Variants in HDAC9 observed in about 807,000 individuals in gnomAD.
HDAC9 encodes histone deacetylase 9, also known as MEF-2 interacting transcription repressor (MITR) protein.
A neutral mutation model predicts 139.4 loss-of-function variants in HDAC9; 41 were observed. That is an observed-to-expected ratio of 0.29 (90% CI 0.23 to 0.38). The LOEUF is 0.38. Ranked by LOEUF, HDAC9 falls within the 10% of genes least tolerant of loss-of-function variation. The pLI is 1.00. For missense variants in HDAC9, 1,147 were observed against 1,297.0 expected, an observed-to-expected ratio of 0.88 and a Z score of 1.78; for synonymous variants, 517 against 476.2, an observed-to-expected ratio of 1.09 and a Z score of -1.12.
chr7:18,498,338 A>AC (rs1227152202), intron 2 of HDAC9, among the ~76,000 whole-genome samples: 1 of 151,744 alleles, frequency 6.6e-6, no homozygotes, highest in Non-Finnish European at 1.5e-5. Flanking sequence ...CCTAGATTCC[A>AC]CTCCCAGAAT....
chr7:18,853,360 A>G (rs1345628296), intron 21 of HDAC9, among the ~76,000 whole-genome samples: 3 of 152,086 alleles, frequency 2.0e-5, no homozygotes, highest in Non-Finnish European at 4.4e-5. Flanking sequence ...AGGAAAAAAA[A>G]ATGAGTTTGG....
intron 15 of HDAC9, among the ~76,000 whole-genome samples, chr7:18,766,270 AG>A (rs995304748): frequency 1.1e-4 from 16 of 152,208 alleles, no homozygotes; most frequent in African/African-American, 3.9e-4. Flanking sequence ...ATTACTCCAC[AG>A]ACAGATTTTA....
Position 18,983,246 on chromosome 7 carries a change from A to T in HDAC9, c.3170+7293A>T, listed in dbSNP as rs937279323. On this transcript the variant is annotated intron_variant, in intron 25 of 25. Coordinates refer to ENST00000686413, the MANE Select transcript of HDAC9 (RefSeq NM_178425.4). ...TTACTTCACTTAGTGTAATGTCCTTAAGGTTTCTCCATGTGGTAACATATG... is the reference window on the plus strand; with the variant it reads ...TTACTTCACTTAGTGTAATGTCCTTTAGGTTTCTCCATGTGGTAACATATG... Among the ~76,000 whole-genome samples the T allele has an allele frequency of 4.6e-5, 7 of 152,296 alleles. No homozygotes were observed. The East Asian group carries it at 1.3e-3, about 29-fold the overall frequency.
chr7:18,845,666 T>G (rs1419215909), intron 21 of HDAC9, among the ~76,000 whole-genome samples: 25 of 151,940 alleles, frequency 1.6e-4, no homozygotes, highest in Admixed American at 1.6e-3. Context: ...TTTTCATAGG[T>G]GTGTTAGTGA....
At chr7:18,110,265 C>A (rs980015286) in intron 1 of HDAC9, among the ~76,000 whole-genome samples, 10 of 152,080 alleles carry the variant, frequency 6.6e-5, no homozygotes, top group African/African-American at 1.9e-4. Flanking sequence ...CTATTTTGGG[C>A]AGAAGTTCAT....
At chr7:18,104,890 C>G (rs1343684404) in intron 1 of HDAC9, among the ~76,000 whole-genome samples, 1 of 151,880 alleles carries the variant, frequency 6.6e-6, no homozygotes, top group East Asian at 1.9e-4. Flanking sequence ...AGGCTATTTC[C>G]TTTTCCTCCC....
chr7:18,280,119 A>C (rs1370833674), intron 2 of HDAC9, among the ~76,000 whole-genome samples: 1 of 152,200 alleles, frequency 6.6e-6, no homozygotes, highest in African/African-American at 2.4e-5. Context: ...TGAAAAAGAC[A>C]GGATAGGTTC....
intron 2 of HDAC9, among the ~76,000 whole-genome samples, chr7:18,532,972 G>T (rs545950375): frequency 2.9e-4 from 44 of 152,188 alleles, no homozygotes; most frequent in Non-Finnish European, 5.9e-4. Flanking sequence ...GAGTGTGCTT[G>T]TGTGTGTGCA....
chr7:18,511,145 A>C (rs926574553), intron 2 of HDAC9, among the ~76,000 whole-genome samples: 1 of 152,190 alleles, frequency 6.6e-6, no homozygotes, highest in Non-Finnish European at 1.5e-5. Flanking sequence ...TTGTTTGCTA[A>C]AAGATGAACA....
At chr7:18,926,236 T>C in intron 22 of HDAC9, among the ~76,000 whole-genome samples, 1 of 152,090 alleles carries the variant, frequency 6.6e-6, no homozygotes. Flanking sequence ...TAATCCAAGC[T>C]AGTCAGTAGA....
At chr7:18,422,522 G>A (rs976528633) in intron 1 of HDAC9, among the ~76,000 whole-genome samples, 2 of 152,050 alleles carry the variant, frequency 1.3e-5, no homozygotes, top group African/African-American at 2.4e-5. Flanking sequence ...TGGACTAATA[G>A]TGGTGGTCTC....
intron 2 of HDAC9, among the ~76,000 whole-genome samples, chr7:18,225,743 T>C (rs1793012167): frequency 2.0e-5 from 3 of 152,262 alleles, no homozygotes; most frequent in East Asian, 3.9e-4. Flanking sequence ...TATTTTCCTG[T>C]TGGATTTCAT....
At chr7:18,945,242 T>C (rs1160865256) in intron 23 of HDAC9, among the ~76,000 whole-genome samples, 1 of 152,254 alleles carries the variant, frequency 6.6e-6, no homozygotes, top group African/African-American at 2.4e-5. Flanking sequence ...GGTGTAGTAG[T>C]ATATCACCAT....
Position 18,451,407 on chromosome 7 carries a change from A to ATATG in HDAC9, c.-41-44854_-41-44853insATGT, listed in dbSNP as rs1435765429. ...TGTGTGTGTGTGTGTGTGTGTATAT[A>ATATG]TGTGTGTGTGTGTGTATATATATGT... is the stretch of plus-strand genomic sequence containing the variant. On this transcript the variant is annotated intron_variant, in intron 1 of 3. Transcript: ENST00000413509. Among the ~76,000 whole-genome samples, 236 of 116,530 alleles carry ATATG rather than the reference A, an allele frequency of 2.0e-3. 3 individuals carry two copies. Among genetic ancestry groups the ATATG allele is most frequent in the African/African-American group, 6.5e-3 (214 of 32,996 alleles). The allele number at this position is 116,530 out of a possible 152,430, so 76.4% of individuals were successfully genotyped here.
chr7:18,902,366 G>A lies in HDAC9; in HGVS notation c.2803+27770G>A, dbSNP rs140257252. ...AGTCATCATGGTGAGATCTGTGGAG[G>A]GGTAGGGGAATGAACAGGCTCCAGA... On this transcript the variant is annotated intron_variant, in intron 22 of 25. Coordinates refer to ENST00000686413, the MANE Select transcript of HDAC9 (RefSeq NM_178425.4). Among the ~76,000 whole-genome samples, 158 of 152,204 alleles carry A rather than the reference G, an allele frequency of 1.0e-3. 4 individuals carry two copies. Among genetic ancestry groups the A allele is most frequent in the Middle Eastern group, 3.4e-3 (1 of 294 alleles).
rs748253600 is a variant in HDAC9 at position 18,162,434 on chromosome 7, T to C, written c.25+85T>C. 475 of 1,326,420 alleles carry C rather than the reference T, an allele frequency of 3.6e-4. 1 individual carries two copies. Among genetic ancestry groups the C allele is most frequent in the Non-Finnish European group, 4.2e-4 (410 of 977,524 alleles). 82.2% of individuals were successfully genotyped at this position (1,326,420 alleles called of 1,614,324 possible). The stretch of plus-strand genomic sequence containing the variant: ...TTGTTTCAAACCAAGTAATTTAATT[T>C]ATGAAGGAACTTTTTTTTTTTTGGA... On this transcript the variant is annotated intron_variant, in intron 2 of 12. Coordinates refer to the HDAC9 transcript ENST00000417496.
chr7:18,628,779 A>G (rs1781452286), intron 6 of HDAC9, among the ~76,000 whole-genome samples: 1 of 152,110 alleles, frequency 6.6e-6, no homozygotes, highest in Non-Finnish European at 1.5e-5. Context: ...CATTGATTCT[A>G]GTTGGTTTGG....
chr7:18,124,553 A>G (rs1199397150), intron 1 of HDAC9, among the ~76,000 whole-genome samples: 1 of 152,204 alleles, frequency 6.6e-6, no homozygotes, highest in Non-Finnish European at 1.5e-5. Context: ...ACATGATTCC[A>G]TGTGAGAAGC....
chr7:18,793,683 G>A (rs1344355423), intron 17 of HDAC9, among the ~76,000 whole-genome samples: 2 of 152,106 alleles, frequency 1.3e-5, no homozygotes, highest in East Asian at 1.9e-4. Flanking sequence ...AGGGCCCACC[G>A]GTGTGCATGT....
Sources: allele counts gnomAD v4.1 joint callset (sites outside exome capture counted in the v4.1 genomes callset), GRCh38; gene constraint gnomAD v4.1.1; transcripts MANE v1.5; gene names NCBI Gene and HGNC (gene_info 2026-07-23, HGNC 2026-07-21).